SUDS3: variants seen among roughly 807,000 people sequenced by gnomAD.
The protein encoded by SUDS3 is SIN3A corepressor complex component SDS3.
In SUDS3, 23 loss-of-function variants were observed where a neutral mutation model predicts 53.5. The observed-to-expected ratio is 0.43, with a 90% CI of 0.31 to 0.61. The LOEUF is 0.61. SUDS3 is among the 20% of genes least tolerant of loss of function. The pLI is 0.10. For synonymous variants in SUDS3, 150 were observed against 148.5 expected (o/e 1.01, Z -0.08); for missense variants, 291 against 405.9 (o/e 0.72, Z 2.43).
intron 4 of SUDS3, among the ~76,000 whole-genome samples, chr12:118,387,043 A>T (rs559938723): frequency 6.6e-6 from 1 of 152,272 alleles, no homozygotes; most frequent in East Asian, 1.9e-4. Flanking sequence ...GTCATCTTTC[A>T]TTCTGGGCCA....
chr12:118,395,403 T>C (rs535512841), intron 6 of SUDS3, among the ~76,000 whole-genome samples: 1 of 151,778 alleles, frequency 6.6e-6, no homozygotes, highest in Admixed American at 6.6e-5. Context: ...TGTTTTTGTA[T>C]TTTTAGTAGT....
Position 118,411,154 on chromosome 12 carries a change from T to C in SUDS3, c.885T>C (p.Asn295=). The stretch of plus-strand genomic sequence containing the variant: ...GCGTGATCAGTTCTGTAGGAGCCAA[T>C]GAGGTGGGAACCACACTCCCTCACC... ...LSCVISSVGA[N]EIWVRKTSDS... The change falls in exon 11 of 12, where the codon AAT becomes AAC. Residue 295 remains asparagine, a synonymous_variant. Transcript: ENST00000543473. 1 of 1,590,060 alleles carries C rather than the reference T, an allele frequency of 6.3e-7. No homozygotes were observed. Among genetic ancestry groups the C allele is most frequent in the Non-Finnish European group, 8.6e-7 (1 of 1,167,850 alleles).
At chr12:118,407,141 C>T (rs1237269762) in intron 10 of SUDS3, among the ~76,000 whole-genome samples, 1 of 152,104 alleles carries the variant, frequency 6.6e-6, no homozygotes, top group East Asian at 1.9e-4. Flanking sequence ...CTGAAGTGAT[C>T]CTCCTGCCTC....
Position 118,389,914 on chromosome 12 carries a change from T to G in SUDS3, c.341-13T>G. On this transcript the variant is annotated splice_polypyrimidine_tract_variant and intron_variant, in intron 4 of 11. Transcript: ENST00000543473. The stretch of plus-strand genomic sequence containing the variant: ...AGCCTAGCAAATCTAATTGCACTTT[T>G]TATCTCTTGCAGAACTCTTCCTCCA... The G allele has an allele frequency of 6.2e-7, 1 of 1,614,038 alleles. No individual in the cohort carries two copies. Among genetic ancestry groups the G allele is most frequent in the Non-Finnish European group, 8.5e-7 (1 of 1,179,872 alleles).
intron 4 of SUDS3, among the ~76,000 whole-genome samples, chr12:118,389,161 AC>A (rs1222641183): frequency 1.3e-5 from 2 of 151,698 alleles, no homozygotes; most frequent in East Asian, 3.9e-4. Flanking sequence ...AAAAACCAGA[AC>A]CCCCCAGAAA....
chr12:118,412,034 A>G (rs911893540), intron 11 of SUDS3, among the ~76,000 whole-genome samples: 1 of 152,132 alleles, frequency 6.6e-6, no homozygotes, highest in Non-Finnish European at 1.5e-5. Flanking sequence ...TTCCTAGCTG[A>G]GATGTCCTAT....
At position 118,412,116 on chromosome 12, in the gene SUDS3, A is replaced by T. The variant is rs528453785; in HGVS notation, c.888+959A>T. Among the ~76,000 whole-genome samples the T allele has an allele frequency of 3.3e-5, 5 of 152,270 alleles. No homozygotes were observed. The East Asian group carries it at 9.7e-4, about 29-fold the overall frequency. ...TCCTCGAGACACTCCTTTAGGATGG[A>T]TGGGGTCTGGTTTTAAAGTCAGCTC... On this transcript the variant is annotated intron_variant, in intron 11 of 11. Coordinates refer to ENST00000543473, the MANE Select transcript of SUDS3 (RefSeq NM_022491.3).
intron 4 of SUDS3, 35 bp downstream of exon 4, chr12:118,386,220 C>T (rs963224672): frequency 2.8e-5 from 43 of 1,517,728 alleles, no homozygotes; most frequent in Admixed American, 3.7e-5. Flanking sequence ...AATCATCTTT[C>T]AATGTTTGAC....
At chr12:118,411,192 A>G in intron 11 of SUDS3, 35 bp downstream of exon 11, 2 of 1,551,458 alleles carry the variant, frequency 1.3e-6, no homozygotes, top group Non-Finnish European at 8.8e-7. Context: ...TAGGGAAGCA[A>G]AATGTGTACT....
At chr12:118,392,637 A>C (rs1039162247) in intron 6 of SUDS3, among the ~76,000 whole-genome samples, 1 of 152,182 alleles carries the variant, frequency 6.6e-6, no homozygotes, top group Non-Finnish European at 1.5e-5. Context: ...GTGGTACCTT[A>C]TCTGGTACCA....
intron 6 of SUDS3, among the ~76,000 whole-genome samples, chr12:118,392,752 G>A (rs370992529): frequency 2.0e-5 from 3 of 152,210 alleles, no homozygotes; most frequent in East Asian, 3.8e-4. Context: ...ATGTTTGGGA[G>A]CCTTCATTAG....
At chr12:118,377,843 C>T (rs893763223) in intron 1 of SUDS3, among the ~76,000 whole-genome samples, 6 of 152,186 alleles carry the variant, frequency 3.9e-5, no homozygotes, top group South Asian at 2.1e-4. Context: ...TTTTATTCAT[C>T]TGAGTTTCCC....
chr12:118,385,036 G>A (rs1426516465), intron 3 of SUDS3, among the ~76,000 whole-genome samples: 1 of 152,162 alleles, frequency 6.6e-6, no homozygotes, highest in African/African-American at 2.4e-5. Context: ...AGGTCCTGGG[G>A]ACAGTTAGCT....
intron 10 of SUDS3, among the ~76,000 whole-genome samples, chr12:118,408,751 C>T (rs1033253227): frequency 1.3e-5 from 2 of 151,946 alleles, no homozygotes; most frequent in African/African-American, 4.8e-5. Context: ...ATATTCTACA[C>T]CACATCCATG....
chr12:118,409,382 T>C (rs2046338683), intron 10 of SUDS3, among the ~76,000 whole-genome samples: 4 of 152,164 alleles, frequency 2.6e-5, no homozygotes, highest in Non-Finnish European at 5.9e-5. Flanking sequence ...CCTGACCTTG[T>C]GATCTGCCCA....
intron 9 of SUDS3, 155 bp downstream of exon 9, chr12:118,402,159 C>T (rs1315514008): frequency 7.1e-6 from 5 of 700,892 alleles, no homozygotes; most frequent in African/African-American, 1.8e-5. Context: ...GGGACCTTAA[C>T]TATACCCCTC....
At chr12:118,383,971 G>C in intron 2 of SUDS3, 41 bp from the exon 3 acceptor site, 15 of 1,573,054 alleles carry the variant, frequency 9.5e-6, no homozygotes, top group Non-Finnish European at 1.3e-5. Context: ...ATTGAGTATT[G>C]AATGTTTTTA....
At chr12:118,390,981 C>A in intron 5 of SUDS3, 145 bp from the exon 6 acceptor site, 1 of 936,576 alleles carries the variant, frequency 1.1e-6, no homozygotes, top group Non-Finnish European at 1.7e-6. Flanking sequence ...CGCTGGAAAG[C>A]TTGTTCTCAG....
chr12:118,392,381 A>G (rs1213701062), intron 6 of SUDS3, among the ~76,000 whole-genome samples: 5 of 152,166 alleles, frequency 3.3e-5, no homozygotes, highest in Admixed American at 1.3e-4. Context: ...TCTGGCTCCA[A>G]TCCTCATGAT....
Sources: gnomAD v4.1 joint callset for allele counts (sites outside exome capture counted in the v4.1 genomes callset) on GRCh38, gnomAD v4.1.1 for gene constraint, MANE v1.5 for transcripts, NCBI Gene and HGNC (gene_info 2026-07-23, HGNC 2026-07-21) for gene names.